SCN11A: variants seen among roughly 807,000 people sequenced by gnomAD.
SCN11A encodes sodium channel protein type 11 subunit alpha.
SCN11A carries 122 observed loss-of-function variants against 162.2 expected under a neutral mutation model. That is an observed-to-expected ratio of 0.75 (90% CI 0.65 to 0.87). SCN11A has a LOEUF of 0.87. Among genes scored for constraint, SCN11A ranks in the 40% least tolerant of loss-of-function variants. The pLI is 0.00. For missense variants in SCN11A, 2,015 were observed against 2,181.6 expected (o/e 0.92, Z 1.52); for synonymous variants, 758 against 751.5 (o/e 1.01, Z -0.14).
At chr3:38,855,798 C>T (rs2064859030) in intron 28 of SCN11A, among the ~76,000 whole-genome samples, 1 of 152,222 alleles carries the variant, frequency 6.6e-6, no homozygotes, top group African/African-American at 2.4e-5. Flanking sequence ...GCCAAGGACT[C>T]TCACAGAGTC....
chr3:38,953,331 G>A (rs1011509861), intron 4 of SCN11A, among the ~76,000 whole-genome samples: 2 of 151,824 alleles, frequency 1.3e-5, no homozygotes, highest in Non-Finnish European at 2.9e-5. Flanking sequence ...CCTGGGTGAC[G>A]AAATAATCTG....
intron 19 of SCN11A, 133 bp downstream of exon 19, chr3:38,894,400 A>G (rs1441510133): frequency 5.1e-5 from 37 of 726,364 alleles, no homozygotes; most frequent in Non-Finnish European, 8.7e-5. Context: ...AGATGTGCAC[A>G]TGGGTATCAA....
At chr3:38,997,556 G>C (rs1211403396) in intron 2 of SCN11A, among the ~76,000 whole-genome samples, 1 of 152,070 alleles carries the variant, frequency 6.6e-6, no homozygotes, top group African/African-American at 2.4e-5. Flanking sequence ...AACTTATTAG[G>C]TTTGATACGT....
rs890549907 is a variant in SCN11A at position 38,926,886 on chromosome 3, T to C, written c.534A>G (p.Ile178Met). The C allele has an allele frequency of 6.2e-7, 1 of 1,613,440 alleles. No individual in the cohort carries two copies. Among genetic ancestry groups the C allele is most frequent in the African/African-American group, 1.3e-5 (1 of 75,048 alleles). The change falls in exon 8 of 30, where the codon ATA becomes ATG. Residue 178 changes from isoleucine to methionine, a missense_variant. Ile to Met is a conservative substitution (Grantham distance 10). Coordinates refer to ENST00000302328, the MANE Select transcript of SCN11A (RefSeq NM_001349253.2). ...GIYIFEALIK[I>M]LARGFILDEF... Reference sequence around the variant, plus strand: ...CATCCAGAATGAAACCTCTTGCCAATATTTTAATCAAAGCTTCAAAAATAT... The same window carrying C: ...CATCCAGAATGAAACCTCTTGCCAACATTTTAATCAAAGCTTCAAAAATAT...
In SCN11A at chr3:38,847,571, A is replaced by G. The variant is rs1460417708; in HGVS notation, c.4499T>C (p.Ile1500Thr). 8 of 1,614,196 alleles carry G rather than the reference A, an allele frequency of 5.0e-6. No homozygotes were observed. Among genetic ancestry groups the G allele is most frequent in the Non-Finnish European group, 5.9e-6 (7 of 1,180,024 alleles). ...LMMSLPSLFN[I>T]GLLLFLIMFI... ...CATAATCAGAAAGAGTAGAAGACCAATGTTGAACAGAGAAGGAAGCGACAT... is the reference window on the plus strand; with the variant it reads ...CATAATCAGAAAGAGTAGAAGACCAGTGTTGAACAGAGAAGGAAGCGACAT... Residue 1500 changes from isoleucine (I) to threonine (T), a missense_variant, in exon 30 of 30, where the codon ATT (isoleucine) becomes ACT (threonine). By Grantham distance (89) the Ile-to-Thr change is moderately conservative. Coordinates refer to ENST00000302328, the MANE Select transcript of SCN11A (RefSeq NM_001349253.2).
intron 8 of SCN11A, among the ~76,000 whole-genome samples, chr3:38,926,137 T>TTTTTC (rs1254774545): frequency 1.3e-5 from 2 of 152,242 alleles, no homozygotes; most frequent in African/African-American, 4.8e-5. Context: ...CATTTCTTAT[T>TTTTTC]TTTTCTTTTG....
chr3:38,920,013 A>G lies in SCN11A; in HGVS notation c.893-12T>C. ...TTCAAAGCAATGGTCTGAGAGAGGA[A>G]AAAGTCATAAATTCAGATTTTAAAA... On this transcript the variant is annotated splice_polypyrimidine_tract_variant and intron_variant, in intron 10 of 29. Coordinates refer to ENST00000302328, the MANE Select transcript of SCN11A (RefSeq NM_001349253.2). 1 of 1,595,248 alleles carries G rather than the reference A, an allele frequency of 6.3e-7. No individual in the cohort carries two copies. The highest frequency in any genetic ancestry group is 8.6e-7 in the Non-Finnish European group (1 of 1,165,560).
In SCN11A at chr3:38,903,981, CA is replaced by C; in HGVS notation, c.1725del (p.Asp576ThrfsTer34). On this transcript the variant is annotated frameshift_variant, in exon 16 of 30. Coordinates refer to ENST00000302328, the MANE Select transcript of SCN11A (RefSeq NM_001349253.2). LOFTEE classifies it high-confidence loss of function. Reference protein sequence around the residue: ...CVKKVLRTVMTDPFTELAITI... With the variant: ...CVKKVLRTVMXDPFTELAITI... ...GTGATGGCCAGCTCAGTAAACGGGT[CA>C]GTCATCACAGTTCTCAGGACCTTCT... 1 of 1,614,048 alleles carries C rather than the reference CA, an allele frequency of 6.2e-7. No individual in the cohort carries two copies. Among genetic ancestry groups the C allele is most frequent in the Non-Finnish European group, 8.5e-7 (1 of 1,179,944 alleles).
rs2065562835 is a variant in SCN11A at position 38,894,721 on chromosome 3, G to A, written c.2647C>T (p.Leu883=). ...CAAQSKDIIP[L]VMEMKRGSET... The stretch of plus-strand genomic sequence containing the variant: ...GAGCCCCTTTTCATCTCCATGACCA[G>A]GGGAATGATGTCTTTGCTTTGTGCA... The change falls in exon 19 of 30, where the codon CTG becomes TTG. Residue 883 remains leucine, a synonymous_variant. Transcript: ENST00000302328. 6.2e-7 allele frequency: 1 copy of A among 1,614,036 alleles called. No individual in the cohort carries two copies. Among genetic ancestry groups the A allele is most frequent in the Admixed American group, 1.7e-5 (1 of 59,998 alleles).
chr3:38,962,465 T>G (rs2066747803), intron 2 of SCN11A, among the ~76,000 whole-genome samples: 1 of 152,172 alleles, frequency 6.6e-6, no homozygotes, highest in African/African-American at 2.4e-5. Context: ...GGCAGTATGG[T>G]CATTTTCACA....
chr3:39,021,670 T>C (rs2031456783), intron 2 of SCN11A, among the ~76,000 whole-genome samples: 2 of 152,144 alleles, frequency 1.3e-5, no homozygotes, highest in Admixed American at 6.5e-5. Flanking sequence ...TGGGAAAGGA[T>C]GGTTCTTTGC....
intron 1 of SCN11A, among the ~76,000 whole-genome samples, chr3:39,049,107 G>C (rs1480408679): frequency 1.3e-5 from 2 of 152,218 alleles, no homozygotes; most frequent in Non-Finnish European, 2.9e-5. Flanking sequence ...TTTGCAGATG[G>C]TTAAACAGCA....
intron 1 of SCN11A, among the ~76,000 whole-genome samples, chr3:39,039,288 T>C (rs1234516956): frequency 6.6e-6 from 1 of 152,226 alleles, no homozygotes; most frequent in East Asian, 1.9e-4. Flanking sequence ...TTTAAGTGGG[T>C]CATTAGGTAT....
intron 2 of SCN11A, among the ~76,000 whole-genome samples, chr3:38,970,614 T>G (rs978261115): frequency 4.6e-5 from 7 of 152,198 alleles, no homozygotes; most frequent in Admixed American, 3.3e-4. Flanking sequence ...TGCTCACAGA[T>G]GTCTAGAGAG....
At chr3:38,897,449 G>T (rs1257111133) in intron 17 of SCN11A, among the ~76,000 whole-genome samples, 1 of 152,198 alleles carries the variant, frequency 6.6e-6, no homozygotes, top group Non-Finnish European at 1.5e-5. Flanking sequence ...GGGCACAGTG[G>T]CTCACGCCTG....
chr3:38,994,550 T>TGCCC (rs1173897500), intron 2 of SCN11A, among the ~76,000 whole-genome samples: 1 of 152,190 alleles, frequency 6.6e-6, no homozygotes, highest in African/African-American at 2.4e-5. Flanking sequence ...TCCCTACTTC[T>TGCCC]GCCCTCATAT....
intron 22 of SCN11A, among the ~76,000 whole-genome samples, chr3:38,882,822 T>A (rs1204768494): frequency 6.6e-6 from 1 of 152,194 alleles, no homozygotes; most frequent in Admixed American, 6.5e-5. Context: ...CTGGTCCCTG[T>A]AACTCCCTCC....
chr3:38,925,077 ACTTTTT>A (rs924379078), intron 9 of SCN11A, among the ~76,000 whole-genome samples: 3 of 151,962 alleles, frequency 2.0e-5, no homozygotes. Context: ...CATGGTGTCT[ACTTTTT>A]CTTTATATTT....
rs758993292 is a variant in SCN11A at position 38,946,848 on chromosome 3, C to T, written c.327G>A (p.Leu109=). ...TIYRFSAKHA[L]FIFGPFNSIR... is the part of the protein sequence containing the mutation. ...TTGAATTGAAAGGCCCAAAAATGAA[C>T]AAGGCATGCTTGGCACTGAAGCGGT... Residue 109 remains leucine, a synonymous_variant, in exon 6 of 30, where the codon TTG becomes TTA. Transcript: ENST00000302328. 1 of 1,613,910 alleles carries T rather than the reference C, an allele frequency of 6.2e-7. No homozygotes were observed. The highest frequency in any genetic ancestry group is 8.5e-7 in the Non-Finnish European group (1 of 1,179,984).
Sources: allele counts gnomAD v4.1 joint callset (sites outside exome capture counted in the v4.1 genomes callset), GRCh38; gene constraint gnomAD v4.1.1; transcripts MANE v1.5; gene names NCBI Gene and HGNC (gene_info 2026-07-23, HGNC 2026-07-21).